DLGAP2: variants seen among roughly 807,000 people sequenced by gnomAD.
The protein encoded by DLGAP2 is DLG associated protein 2, also known as disks large-associated protein 2.
Under a neutral mutation model 100.3 loss-of-function variants are expected in DLGAP2, and 26 were observed. That is an observed-to-expected ratio of 0.26 (90% CI 0.19 to 0.36). The LOEUF (loss-of-function observed/expected upper bound fraction) is 0.36. Among genes scored for constraint, DLGAP2 ranks in the 10% least tolerant of loss-of-function variants. The pLI is 1.00. For synonymous variants in DLGAP2, 886 were observed against 630.1 expected, an observed-to-expected ratio of 1.41 and a Z score of -6.08; for missense variants, 1,858 against 1,453.2, an observed-to-expected ratio of 1.28 and a Z score of -4.53.
chr8:826,269 C>T (rs965921396), intron 1 of DLGAP2, among the ~76,000 whole-genome samples: 4 of 152,212 alleles, frequency 2.6e-5, no homozygotes, highest in Non-Finnish European at 4.4e-5. Flanking sequence ...CTGTTGTAAA[C>T]AGAGCTGCAG....
chr8:973,212 ACCTC>A (rs986015946), intron 2 of DLGAP2, among the ~76,000 whole-genome samples: 15 of 148,378 alleles, frequency 1.0e-4, no homozygotes, highest in South Asian at 6.5e-4. Context: ...GGCGACCCCC[ACCTC>A]CCTCCCAGAC....
At chr8:1,579,305 G>A (rs964150361) in intron 6 of DLGAP2, among the ~76,000 whole-genome samples, 26 of 151,948 alleles carry the variant, frequency 1.7e-4, no homozygotes, top group African/African-American at 5.1e-4. Context: ...CATTAAAATC[G>A]TATATATACA....
chr8:1,295,588 C>A (rs1475677189), intron 3 of DLGAP2, among the ~76,000 whole-genome samples: 1 of 152,194 alleles, frequency 6.6e-6, no homozygotes, highest in African/African-American at 2.4e-5. Flanking sequence ...CAGCTCTCCA[C>A]AAAGGCAGGG....
At chr8:1,410,168 T>C (rs937755237) in intron 3 of DLGAP2, among the ~76,000 whole-genome samples, 1 of 152,128 alleles carries the variant, frequency 6.6e-6, no homozygotes, top group East Asian at 1.9e-4. Flanking sequence ...CTCGATCTGC[T>C]GAGGAGACTG....
At chr8:897,554 C>T (rs1028699882) in intron 1 of DLGAP2, among the ~76,000 whole-genome samples, 10 of 152,168 alleles carry the variant, frequency 6.6e-5, no homozygotes, top group Admixed American at 3.9e-4. Context: ...CATGGGCGCC[C>T]GGTAAGAAGC....
At position 1,191,458 on chromosome 8, in the gene DLGAP2, C is replaced by T. The variant is rs545314919; in HGVS notation, c.74-67393C>T. 5.3e-5 allele frequency among the ~76,000 whole-genome samples: 8 copies of T among 152,302 alleles called. No individual in the cohort carries two copies. The East Asian group carries it at 9.7e-4, about 18-fold the overall frequency. ...GTGCGGGGATTATAGGCGTGAGCCA[C>T]CGCGCCCAGCCGATACGTTTTATCT... On this transcript the variant is annotated intron_variant, in intron 2 of 14. Coordinates refer to ENST00000637795, the MANE Select transcript of DLGAP2 (RefSeq NM_001346810.2).
chr8:1,608,689 G>C (rs1389978703), intron 6 of DLGAP2, among the ~76,000 whole-genome samples: 5 of 140,058 alleles, frequency 3.6e-5, no homozygotes, highest in Non-Finnish European at 7.7e-5. Flanking sequence ...ACAGAGAAGT[G>C]CTTAAAGGAG....
intron 3 of DLGAP2, among the ~76,000 whole-genome samples, chr8:1,290,554 C>A (rs1179690759): frequency 1.3e-5 from 2 of 152,202 alleles, no homozygotes; most frequent in Non-Finnish European, 2.9e-5. Context: ...AGACAAGTCA[C>A]CCGCAGAGAC....
At chr8:1,681,397 C>T (rs889244385) in intron 12 of DLGAP2, among the ~76,000 whole-genome samples, 8 of 152,160 alleles carry the variant, frequency 5.3e-5, no homozygotes. Context: ...CTTTGTGAGG[C>T]TGAGGCGGGA....
chr8:1,166,996 T>C (rs1267116702), intron 2 of DLGAP2, among the ~76,000 whole-genome samples: 1 of 152,022 alleles, frequency 6.6e-6, no homozygotes, highest in African/African-American at 2.4e-5. Context: ...CTTATCTGGG[T>C]GTGGTGGCAT....
At position 1,211,534 on chromosome 8, in the gene DLGAP2, A is replaced by G. The variant is rs1798104082; in HGVS notation, c.74-47317A>G. On this transcript the variant is annotated intron_variant, in intron 2 of 14. Transcript: ENST00000637795. ...TAAATTTTCTGTTTGTAAACATGTA[A>G]ACAGCTTATGTGAGGTGTTGCCACC... 2.6e-5 allele frequency among the ~76,000 whole-genome samples: 4 copies of G among 152,226 alleles called. No homozygotes were observed. The South Asian group carries it at 8.3e-4, about 32-fold the overall frequency.
intron 3 of DLGAP2, among the ~76,000 whole-genome samples, chr8:1,437,696 G>A (rs188489078): frequency 2.6e-5 from 4 of 151,622 alleles, no homozygotes; most frequent in East Asian, 1.9e-4. Flanking sequence ...ATCACCGGCC[G>A]GTGGCTCATG....
chr8:1,546,840 G>C (rs914440680), intron 4 of DLGAP2, among the ~76,000 whole-genome samples: 1 of 152,142 alleles, frequency 6.6e-6, no homozygotes, highest in Non-Finnish European at 1.5e-5. Context: ...CGGGAGAGCT[G>C]GCAGGCAGGA....
chr8:1,081,629 G>A (rs1003184055), intron 2 of DLGAP2, among the ~76,000 whole-genome samples: 2 of 152,188 alleles, frequency 1.3e-5, no homozygotes, highest in African/African-American at 4.8e-5. Flanking sequence ...TGGATTACAG[G>A]CGTGACCCCC....
chr8:866,382 C>A (rs1196643467), intron 1 of DLGAP2, among the ~76,000 whole-genome samples: 1 of 152,222 alleles, frequency 6.6e-6, no homozygotes, highest in Non-Finnish European at 1.5e-5. Context: ...GGTGACCAGA[C>A]CAGGAGAGCC....
At chr8:870,916 ACCATCCTG>A (rs1797584862) in intron 1 of DLGAP2, among the ~76,000 whole-genome samples, 1 of 152,122 alleles carries the variant, frequency 6.6e-6, no homozygotes, top group South Asian at 2.1e-4. Flanking sequence ...GGTCTCTGTG[ACCATCCTG>A]TGGTCATTCC....
chr8:1,705,219 C>G lies in DLGAP2; in HGVS notation c.*3813C>G, dbSNP rs1187320928. The G allele has an allele frequency of 6.6e-6, 1 of 152,292 alleles. No homozygotes were observed. The highest frequency in any genetic ancestry group is 1.5e-5 in the Non-Finnish European group (1 of 68,124). 9.4% of individuals were successfully genotyped at this position (152,292 alleles called of 1,614,324 possible). A position where few individuals can be genotyped will look rare whatever the true frequency, so the allele number is the denominator to read the frequency against. Reference sequence around the variant, plus strand: ...GTGGGGGAGGTGGGTCCAAGTCTCCCTCAGGAAGGCCTTTTCTATCGGCAG... The same window carrying G: ...GTGGGGGAGGTGGGTCCAAGTCTCCGTCAGGAAGGCCTTTTCTATCGGCAG... On this transcript the variant is annotated 3_prime_UTR_variant, in exon 15 of 15. Coordinates refer to ENST00000637795, the MANE Select transcript of DLGAP2 (RefSeq NM_001346810.2).
intron 4 of DLGAP2, among the ~76,000 whole-genome samples, chr8:1,525,040 G>T (rs1260613607): frequency 6.6e-6 from 1 of 152,012 alleles, no homozygotes; most frequent in Non-Finnish European, 1.5e-5. Flanking sequence ...CCTTTACTTT[G>T]CTTCCATTGT....
intron 1 of DLGAP2, among the ~76,000 whole-genome samples, chr8:900,303 G>A (rs1276274617): frequency 6.6e-6 from 1 of 150,770 alleles, no homozygotes; most frequent in African/African-American, 2.4e-5. Flanking sequence ...CGGGCGGACG[G>A]TGGGCGCCCT....
Sources: gnomAD v4.1 joint callset for allele counts (sites outside exome capture counted in the v4.1 genomes callset) on GRCh38, gnomAD v4.1.1 for gene constraint, MANE v1.5 for transcripts, NCBI Gene and HGNC (gene_info 2026-07-23, HGNC 2026-07-21) for gene names.